NEURL4: variants seen among roughly 807,000 people sequenced by gnomAD.
The protein encoded by NEURL4 is neuralized-like protein 4.
In NEURL4, 45 loss-of-function variants were observed where a neutral mutation model predicts 148.0. The observed-to-expected ratio is 0.30, with a 90% CI of 0.24 to 0.39. NEURL4 has a LOEUF of 0.39. Ranked by LOEUF, NEURL4 falls within the 10% of genes least tolerant of loss-of-function variation. The probability of loss-of-function intolerance (pLI) is 1.00; values close to 1 mark genes in which losing one functional copy is unlikely to be tolerated. For missense variants in NEURL4, 1,776 were observed against 2,144.0 expected, an observed-to-expected ratio of 0.83 and a Z score of 3.39; for synonymous variants, 854 against 869.0, an observed-to-expected ratio of 0.98 and a Z score of 0.30.
At position 7,315,651 on chromosome 17, in the gene NEURL4, G is replaced by A. The variant is rs1415525771; in HGVS notation, c.*472C>T. 7.5e-6 allele frequency: 3 copies of A among 402,108 alleles called. No homozygotes were observed. The highest frequency in any genetic ancestry group is 6.2e-5 in the African/African-American group (3 of 48,646). 24.9% of individuals were successfully genotyped at this position (402,108 alleles called of 1,614,324 possible). A position where few individuals can be genotyped will look rare whatever the true frequency, so the allele number is the denominator to read the frequency against. ...CGGAGGCTCTGAGACGGTGTTTATT[G>A]GCTCCTTAGAAATCAGAGTCAGTAA... is the stretch of plus-strand genomic sequence containing the variant. On this transcript the variant is annotated 3_prime_UTR_variant, in exon 29 of 29. Transcript: ENST00000399464.
rs2073004434 is a variant in NEURL4 at position 7,319,717 on chromosome 17, CAAAAAAACA to C, written c.3526-518_3526-510del. Among the ~76,000 whole-genome samples the C allele has an allele frequency of 4.4e-4, 32 of 72,508 alleles. 3 individuals are homozygous for C. The South Asian group carries it at 8.8e-3, about 20-fold the overall frequency. 47.6% of individuals were successfully genotyped at this position (72,508 alleles called of 152,430 possible). The stretch of plus-strand genomic sequence containing the variant: ...CTCCGTCTCAAAAAAAACAAAAAAA[CAAAAAAACA>C]AAAAAAAAACATGCTGTTTGAGCCT... On this transcript the variant is annotated intron_variant, in intron 21 of 28. Transcript: ENST00000399464.
intron 28 of NEURL4, among the ~76,000 whole-genome samples, chr17:7,316,883 C>G (rs1382163154): frequency 1.3e-5 from 2 of 152,052 alleles, no homozygotes; most frequent in Non-Finnish European, 1.5e-5. Context: ...CGCCACTGCA[C>G]TCCAGCCTGG....
At chr17:7,325,145 GCCCC>G in intron 8 of NEURL4, 60 bp downstream of exon 8, 18 of 830,646 alleles carry the variant, frequency 2.2e-5, no homozygotes, top group African/African-American at 2.6e-5. Context: ...CCACTTCCTT[GCCCC>G]GCCCCCCCCC....
chr17:7,320,353 G>A (rs1441470670), intron 21 of NEURL4, among the ~76,000 whole-genome samples: 4 of 151,974 alleles, frequency 2.6e-5, no homozygotes, highest in African/African-American at 4.8e-5. Flanking sequence ...TAGGCTGGTC[G>A]CGAACTCGTG....
chr17:7,322,993 C>T lies in NEURL4; in HGVS notation c.2548G>A (p.Gly850Ser), dbSNP rs1168735365. The change falls in exon 15 of 29, where the codon GGC becomes AGC. Residue 850 changes from glycine to serine, a missense_variant. By Grantham distance (56) the Gly-to-Ser change is moderately conservative. Transcript: ENST00000399464. The surrounding 1 kb of genome is among the most constrained non-coding windows in gnomAD (Gnocchi z 5.5). ...GAGCAGGCAGCGCCTTGGTCCTGGC[C>T]GTTGATGAAGTAGTGCAGGTCGCCC... ...AKGDLHYFIN[G>S]QDQGAACSGL... The T allele has an allele frequency of 3.7e-6, 6 of 1,613,528 alleles. No individual in the cohort carries two copies. The African/African-American group carries it at 4.0e-5, about 11-fold the overall frequency.
In NEURL4 at chr17:7,318,958, A is replaced by G. The variant is rs1314303191; in HGVS notation, c.3684+92T>C. On this transcript the variant is annotated intron_variant, in intron 22 of 28. Coordinates refer to ENST00000399464, the MANE Select transcript of NEURL4 (RefSeq NM_032442.3). The surrounding 1 kb of genome is among the most constrained non-coding windows in gnomAD (Gnocchi z 4.3). ...GTTCCCCTTTTACACCTGTGGTCCT[A>G]CCTCCAAGGCTAGGGGCCCACTTCT... 1 of 1,409,388 alleles carries G rather than the reference A, an allele frequency of 7.1e-7. No homozygotes were observed. The highest frequency in any genetic ancestry group is 9.6e-7 in the Non-Finnish European group (1 of 1,039,640). The allele number at this position is 1,409,388 out of a possible 1,614,324, so 87.3% of individuals were successfully genotyped here.
At position 7,317,289 on chromosome 17, in the gene NEURL4, G is replaced by A. The variant is rs553506737; in HGVS notation, c.4400C>T (p.Pro1467Leu). The A allele has an allele frequency of 1.3e-6, 2 of 1,528,588 alleles. No homozygotes were observed. The highest frequency in any genetic ancestry group is 1.3e-5 in the South Asian group (1 of 76,832). 94.7% of individuals were successfully genotyped at this position (1,528,588 alleles called of 1,614,324 possible). ...GFEEPGENCAPPREEQPPPVL... is the reference protein window; with the variant it reads ...GFEEPGENCALPREEQPPPVL... ...AGGAGGGGGCTGCTCCTCCCGAGGAGGTGCACAGTTCTCGCCAGGCTCCTC... is the reference window on the plus strand; with the variant it reads ...AGGAGGGGGCTGCTCCTCCCGAGGAAGTGCACAGTTCTCGCCAGGCTCCTC... Residue 1467 changes from proline to leucine, a missense_variant, in exon 28 of 29, where the codon CCT (proline) becomes CTT (leucine). Transcript: ENST00000399464.
chr17:7,323,276 C>A (rs2073056574), intron 14 of NEURL4, among the ~76,000 whole-genome samples, 153 bp from the exon 15 acceptor site: 2 of 152,176 alleles, frequency 1.3e-5, no homozygotes, highest in Non-Finnish European at 2.9e-5. Flanking sequence ...TCCCTGGGAT[C>A]CCCTTAGGAA....
Position 7,323,012 on chromosome 17 carries a change from G to T in NEURL4, c.2529C>A (p.Asp843Glu). The change falls in exon 15 of 29, where the codon GAC (aspartate) becomes GAA (glutamate). Residue 843 changes from aspartate (D) to glutamate (E), a missense_variant. By Grantham distance (45) the Asp-to-Glu change is conservative (BLOSUM62 2). Transcript: ENST00000399464. ...CCTGGCCGTTGATGAAGTAGTGCAG[G>T]TCGCCCTTGGCAGTTCGCATCATGC... ...RIGMMRTAKGDLHYFINGQDQ... is the reference protein window; with the variant it reads ...RIGMMRTAKGELHYFINGQDQ... 1 of 1,613,762 alleles carries T rather than the reference G, an allele frequency of 6.2e-7. No homozygotes were observed. Among genetic ancestry groups the T allele is most frequent in the Non-Finnish European group, 8.5e-7 (1 of 1,180,002 alleles).
At chr17:7,325,505 G>A in intron 7 of NEURL4, 32 bp from the exon 8 acceptor site, 2 of 1,604,950 alleles carry the variant, frequency 1.2e-6, no homozygotes, top group Middle Eastern at 1.7e-4. Context: ...GTGTGGGAGT[G>A]GACAGGGAGA....
In NEURL4 at chr17:7,323,814, C is replaced by A. The variant is rs200726218; in HGVS notation, c.2261G>T (p.Arg754Leu). Residue 754 changes from arginine to leucine, a missense_variant and splice_region_variant, in exon 12 of 29, where the codon CGG becomes CTG. Coordinates refer to ENST00000399464, the MANE Select transcript of NEURL4 (RefSeq NM_032442.3). ...EFNDAIVISNRALRDGELFEI... is the reference protein window; with the variant it reads ...EFNDAIVISNLALRDGELFEI... ...GGGACATGAAAGTTGAGAGACTGAC[C>A]GGTTGGAGATGACGATGGCGTCATT... 6.2e-7 allele frequency: 1 copy of A among 1,614,094 alleles called. No homozygotes were observed. Among genetic ancestry groups the A allele is most frequent in the Non-Finnish European group, 8.5e-7 (1 of 1,180,018 alleles).
Position 7,324,392 on chromosome 17 carries a change from C to T in NEURL4, c.1899+3G>A, listed in dbSNP as rs756443670. On this transcript the variant is annotated splice_donor_region_variant and intron_variant, in intron 10 of 28. Coordinates refer to ENST00000399464, the MANE Select transcript of NEURL4 (RefSeq NM_032442.3). This position sits in a 1 kb window ranked among gnomAD's most constrained non-coding sequence, Gnocchi z 5.9. Reference sequence around the variant, plus strand: ...CCGCCAGGCGGCGCACCCACTTTCCCACCTTGAGGCGGTCCAGATTGTGCC... The same window carrying T: ...CCGCCAGGCGGCGCACCCACTTTCCTACCTTGAGGCGGTCCAGATTGTGCC... The T allele has an allele frequency of 1.9e-6, 3 of 1,614,164 alleles. No individual in the cohort carries two copies. In the Admixed American group the frequency reaches 5.0e-5, roughly 27 times the overall value.
At position 7,326,674 on chromosome 17, in the gene NEURL4, G is replaced by A. The variant is rs1293265946; in HGVS notation, c.1092+37C>T. On this transcript the variant is annotated intron_variant, in intron 4 of 28. Transcript: ENST00000399464. This position sits in a 1 kb window ranked among gnomAD's most constrained non-coding sequence, Gnocchi z 6.0. ...GTCAATCCCCATCTTTAGCTCCCAG[G>A]GATAAGGCGCCAACCAGACCACAGG... The A allele has an allele frequency of 6.2e-7, 1 of 1,604,444 alleles. No individual in the cohort carries two copies. Among genetic ancestry groups the A allele is most frequent in the Admixed American group, 1.7e-5 (1 of 58,340 alleles).
At position 7,322,803 on chromosome 17, in the gene NEURL4, C is replaced by T; in HGVS notation, c.2657G>A (p.Gly886Asp). Residue 886 changes from glycine (G) to aspartate (D), a missense_variant, in exon 16 of 29, where the codon GGC becomes GAC. Coordinates refer to ENST00000399464, the MANE Select transcript of NEURL4 (RefSeq NM_032442.3). This position sits in a 1 kb window ranked among gnomAD's most constrained non-coding sequence, Gnocchi z 5.5. ...CVQVSITNAT[G>D]PMDNSLATSN... ...GGTCGCCAGGCTGTTGTCCATGGGG[C>T]CGGTGGCATTGGTGATGGACACTTG... 6.2e-7 allele frequency: 1 copy of T among 1,614,046 alleles called. No individual in the cohort carries two copies. Among genetic ancestry groups the T allele is most frequent in the Non-Finnish European group, 8.5e-7 (1 of 1,179,992 alleles).
rs777432893 is a variant in NEURL4, at chr17:7,321,694, C to T, written c.2965G>A (p.Gly989Ser). Reference protein sequence around the residue: ...APGEMGPGAGGGGPGLPPSLP... With the variant: ...APGEMGPGAGSGGPGLPPSLP... ...GAAGGAGGCAGCCCTGGGCCACCACCGCCTGCCCCGGGTCCCATCTCCCCC... is the reference window on the plus strand; with the variant it reads ...GAAGGAGGCAGCCCTGGGCCACCACTGCCTGCCCCGGGTCCCATCTCCCCC... Residue 989 changes from glycine to serine, a missense_variant, in exon 18 of 29, where the codon GGT becomes AGT. Coordinates refer to ENST00000399464, the MANE Select transcript of NEURL4 (RefSeq NM_032442.3). This position sits in a 1 kb window ranked among gnomAD's most constrained non-coding sequence, Gnocchi z 6.3. The T allele has an allele frequency of 4.2e-5, 68 of 1,613,758 alleles. No individual in the cohort carries two copies. Among genetic ancestry groups the T allele is most frequent in the Admixed American group, 3.3e-4 (20 of 60,038 alleles).
chr17:7,318,509 CAT>C lies in NEURL4; in HGVS notation c.3848_3849del (p.Tyr1283TrpfsTer4). Reference protein sequence around the residue: ...PQPCHALVDLYGQCEQVTIVN... With the variant: ...PQPCHALVDLXGQCEQVTIVN... Reference sequence around the variant, plus strand: ...CTGCCACTAACCTGCTCACACTGCCCATAGAGGTCCACAAGCGCATGGCAGGG... The same window carrying C: ...CTGCCACTAACCTGCTCACACTGCCCAGAGGTCCACAAGCGCATGGCAGGG... On this transcript the variant is annotated frameshift_variant, in exon 23 of 29. Transcript: ENST00000399464. LOFTEE classifies it high-confidence loss of function. The surrounding 1 kb of genome is among the most constrained non-coding windows in gnomAD (Gnocchi z 4.3). 6.2e-7 allele frequency: 1 copy of C among 1,609,588 alleles called. No homozygotes were observed. The highest frequency in any genetic ancestry group is 8.5e-7 in the Non-Finnish European group (1 of 1,177,416).
In NEURL4 at chr17:7,317,420, C is replaced by G. The variant is rs1246106833; in HGVS notation, c.4318+41G>C. ...AGCCCTTTTTATTCCTCCACAGCCC[C>G]CCAGGCTCAGCCCACCTTGCATGGG... is the stretch of plus-strand genomic sequence containing the variant. On this transcript the variant is annotated intron_variant, in intron 27 of 28. Coordinates refer to ENST00000399464, the MANE Select transcript of NEURL4 (RefSeq NM_032442.3). 2.5e-6 allele frequency: 4 copies of G among 1,613,048 alleles called. No individual in the cohort carries two copies. The African/African-American group carries it at 5.3e-5, about 22-fold the overall frequency.
At position 7,315,857 on chromosome 17, in the gene NEURL4, T is replaced by A. The variant is rs1334332018; in HGVS notation, c.*266A>T. On this transcript the variant is annotated 3_prime_UTR_variant, in exon 29 of 29. Coordinates refer to ENST00000399464, the MANE Select transcript of NEURL4 (RefSeq NM_032442.3). Reference sequence around the variant, plus strand: ...GTAGGGGAGTAAAAGGGAGTCATGTTCCCCAAATCAGTGCATGAAGAGGGG... The same window carrying A: ...GTAGGGGAGTAAAAGGGAGTCATGTACCCCAAATCAGTGCATGAAGAGGGG... The A allele has an allele frequency of 1.8e-6, 1 of 553,700 alleles. No homozygotes were observed. Among genetic ancestry groups the A allele is most frequent in the African/African-American group, 1.9e-5 (1 of 52,354 alleles). The allele number at this position is 553,700 out of a possible 1,614,324, so 34.3% of individuals were successfully genotyped here.
rs533244198 is a variant in NEURL4, at chr17:7,322,166, G to A, written c.2726-156C>T. On this transcript the variant is annotated intron_variant, in intron 16 of 28. Transcript: ENST00000399464. This position sits in a 1 kb window ranked among gnomAD's most constrained non-coding sequence, Gnocchi z 5.5. ...CAGGGCCTCCTGACACCTCTTTATT[G>A]TATTTTGTTGAGGCAGAGTCTCGCT... is the stretch of plus-strand genomic sequence containing the variant. Among the ~76,000 whole-genome samples, 8 of 152,250 alleles carry A rather than the reference G, an allele frequency of 5.3e-5. No individual in the cohort carries two copies. Among genetic ancestry groups the A allele is most frequent in the Non-Finnish European group, 8.8e-5 (6 of 68,006 alleles).
Sources: allele counts gnomAD v4.1 joint callset (sites outside exome capture counted in the v4.1 genomes callset), GRCh38; gene constraint gnomAD v4.1.1; non-coding constraint Gnocchi (gnomAD v3.1); transcripts MANE v1.5; gene names NCBI Gene and HGNC (gene_info 2026-07-23, HGNC 2026-07-21).